Variants in CYP7B1 observed in about 807,000 individuals in gnomAD.
The protein encoded by CYP7B1 is cytochrome P450 7B1.
In CYP7B1, 29 loss-of-function variants were observed where a neutral mutation model predicts 42.7. That is an observed-to-expected ratio of 0.68 (90% CI 0.51 to 0.93). The LOEUF (loss-of-function observed/expected upper bound fraction) is 0.93. Ranked by LOEUF, CYP7B1 falls within the 40% of genes least tolerant of loss-of-function variation. The pLI is 0.00. For synonymous variants in CYP7B1, 235 were observed against 218.2 expected, an observed-to-expected ratio of 1.08 and a Z score of -0.68; for missense variants, 655 against 600.5, an observed-to-expected ratio of 1.09 and a Z score of -0.95.
At chr8:64,765,659 G>A (rs1262602673) in intron 1 of CYP7B1, among the ~76,000 whole-genome samples, 3 of 152,148 alleles carry the variant, frequency 2.0e-5, no homozygotes, top group Non-Finnish European at 2.9e-5. Flanking sequence ...GGGTGGTTAC[G>A]CACCCTGGAA....
At chr8:64,773,384 C>T (rs1035956115) in intron 1 of CYP7B1, among the ~76,000 whole-genome samples, 4 of 152,150 alleles carry the variant, frequency 2.6e-5, no homozygotes, top group Non-Finnish European at 4.4e-5. Context: ...GCTTCAGGAT[C>T]GCAGATAAAT....
At chr8:64,718,456 G>C (rs1563403477) in intron 1 of CYP7B1, among the ~76,000 whole-genome samples, 2 of 152,146 alleles carry the variant, frequency 1.3e-5, no homozygotes. Context: ...TCTCTCCAAA[G>C]GCAAGGAATC....
At chr8:64,738,051 T>C (rs934791618) in intron 1 of CYP7B1, among the ~76,000 whole-genome samples, 1 of 152,230 alleles carries the variant, frequency 6.6e-6, no homozygotes, top group African/African-American at 2.4e-5. Context: ...CTCTTTCAGA[T>C]ATGAATTTTT....
chr8:64,637,930 T>C (rs776943594), intron 1 of CYP7B1, among the ~76,000 whole-genome samples: 6 of 152,310 alleles, frequency 3.9e-5, no homozygotes, highest in Non-Finnish European at 8.8e-5. Context: ...CATCACTTTA[T>C]CTTTTGCTCC....
chr8:64,633,679 G>T (rs1264561302), intron 1 of CYP7B1, among the ~76,000 whole-genome samples: 2 of 152,088 alleles, frequency 1.3e-5, no homozygotes, highest in East Asian at 3.8e-4. Context: ...AGTCAATATT[G>T]TCAAGTCAGT....
intron 2 of CYP7B1, among the ~76,000 whole-genome samples, chr8:64,616,495 G>A (rs578024463): frequency 2.0e-5 from 3 of 152,216 alleles, no homozygotes; most frequent in African/African-American, 7.2e-5. Context: ...TAAATATCCT[G>A]AAGTTCTTAC....
At chr8:64,637,775 A>T (rs993776214) in intron 1 of CYP7B1, among the ~76,000 whole-genome samples, 1 of 152,154 alleles carries the variant, frequency 6.6e-6, no homozygotes, top group Non-Finnish European at 1.5e-5. Context: ...TTATTTAGAT[A>T]GCGTTCAATT....
At chr8:64,697,401 C>T (rs1310757389) in intron 1 of CYP7B1, among the ~76,000 whole-genome samples, 2 of 152,188 alleles carry the variant, frequency 1.3e-5, no homozygotes, top group East Asian at 1.9e-4. Context: ...GCCCCCCTCC[C>T]GCTGTGTCAA....
chr8:64,664,928 G>A (rs60505467), intron 1 of CYP7B1, among the ~76,000 whole-genome samples: 3,277 of 152,182 alleles, frequency 0.022, 146 homozygotes, highest in African/African-American at 0.075. Flanking sequence ...GCTTGGTTAT[G>A]CATGGAATTA....
At chr8:64,742,144 T>C (rs1807578963) in intron 1 of CYP7B1, among the ~76,000 whole-genome samples, 1 of 152,206 alleles carries the variant, frequency 6.6e-6, no homozygotes, top group Admixed American at 6.5e-5. Context: ...AAATATTTCA[T>C]AACCACAGAA....
intron 2 of CYP7B1, 119 bp downstream of exon 2, chr8:64,624,284 A>T: frequency 9.9e-7 from 1 of 1,014,220 alleles, no homozygotes; most frequent in Non-Finnish European, 1.4e-6. Context: ...CATTAGCTCT[A>T]CAAAATAAAA....
At chr8:64,765,110 A>G (rs940025325) in intron 1 of CYP7B1, among the ~76,000 whole-genome samples, 1 of 152,058 alleles carries the variant, frequency 6.6e-6, no homozygotes, top group African/African-American at 2.4e-5. Flanking sequence ...GACTTAAAGT[A>G]TTTGCAGGAT....
chr8:64,666,891 G>A (rs1368629698), intron 1 of CYP7B1, among the ~76,000 whole-genome samples: 1 of 152,194 alleles, frequency 6.6e-6, no homozygotes, highest in Admixed American at 6.5e-5. Flanking sequence ...AGAGTTTCAT[G>A]TGAAAATGTA....
chr8:64,605,574 A>G (rs1805266722), intron 4 of CYP7B1, among the ~76,000 whole-genome samples: 1 of 152,146 alleles, frequency 6.6e-6, no homozygotes, highest in African/African-American at 2.4e-5. Flanking sequence ...CCGGCAATTT[A>G]TCCTGGCAGT....
chr8:64,629,910 C>T (rs977301445), intron 1 of CYP7B1, among the ~76,000 whole-genome samples: 1 of 152,162 alleles, frequency 6.6e-6, no homozygotes, highest in Non-Finnish European at 1.5e-5. Context: ...GAAGATGTGG[C>T]TGAGTCTAGG....
chr8:64,691,582 A>G (rs1212725951), intron 1 of CYP7B1, among the ~76,000 whole-genome samples: 1 of 151,900 alleles, frequency 6.6e-6, no homozygotes, highest in African/African-American at 2.4e-5. Context: ...TGTTGCATCC[A>G]AGTGCCTGAG....
chr8:64,694,881 TA>T (rs1806800492), intron 1 of CYP7B1, among the ~76,000 whole-genome samples: 1 of 152,184 alleles, frequency 6.6e-6, no homozygotes, highest in Non-Finnish European at 1.5e-5. Flanking sequence ...AAGTTATACA[TA>T]AATACATATC....
At chr8:64,694,533 G>A (rs1806795468) in intron 1 of CYP7B1, among the ~76,000 whole-genome samples, 1 of 152,208 alleles carries the variant, frequency 6.6e-6, no homozygotes, top group Admixed American at 6.5e-5. Flanking sequence ...CAGAATGCTG[G>A]CCTCGGGACT....
At chr8:64,600,919 T>G (rs1337679070) in intron 5 of CYP7B1, among the ~76,000 whole-genome samples, 1 of 152,184 alleles carries the variant, frequency 6.6e-6, no homozygotes, top group Non-Finnish European at 1.5e-5. Context: ...TGCAAGTTTG[T>G]AGGGGAAGGG....
Sources: gnomAD v4.1 joint callset for allele counts (sites outside exome capture counted in the v4.1 genomes callset) on GRCh38, gnomAD v4.1.1 for gene constraint, MANE v1.5 for transcripts, NCBI Gene and HGNC (gene_info 2026-07-23, HGNC 2026-07-21) for gene names.